The following KLHL7 variants were observed in gnomAD, a reference collection of about 807,000 sequenced individuals.
KLHL7 encodes the protein kelch-like protein 7.
A neutral mutation model predicts 67.4 loss-of-function variants in KLHL7; 44 were observed. The ratio of observed to expected loss-of-function variants is 0.65; its 90% CI spans 0.51 to 0.84. The LOEUF (loss-of-function observed/expected upper bound fraction) is 0.84. Among genes scored for constraint, KLHL7 ranks in the 40% least tolerant of loss-of-function variants. The probability of loss-of-function intolerance (pLI) is 0.00; values close to 1 mark genes in which losing one functional copy is unlikely to be tolerated. For synonymous variants in KLHL7, 252 were observed against 243.3 expected (o/e 1.04, Z -0.33); for missense variants, 362 against 718.1 (o/e 0.50, Z 5.67).
In KLHL7 at chr7:23,167,893, C is replaced by A; in HGVS notation, c.1235C>A (p.Thr412Lys). The A allele has an allele frequency of 6.2e-7, 1 of 1,614,206 alleles. No individual in the cohort carries two copies. The highest frequency in any genetic ancestry group is 8.5e-7 in the Non-Finnish European group (1 of 1,180,032). ...CYDTRTESWH[T>K]KPSMLTQRCS... ...GATACGAGAACTGAAAGCTGGCACA[C>A]AAAGCCCAGCATGCTGACCCAGCGC... is the stretch of plus-strand genomic sequence containing the variant. The change falls in exon 9 of 11, where the codon ACA becomes AAA. Residue 412 changes from threonine to lysine, a missense_variant. Thr to Lys is a moderately conservative substitution (Grantham distance 78). Transcript: ENST00000339077.
At chr7:23,119,361 C>T (rs1366037804) in intron 1 of KLHL7, among the ~76,000 whole-genome samples, 2 of 152,096 alleles carry the variant, frequency 1.3e-5, no homozygotes, top group Non-Finnish European at 2.9e-5. Flanking sequence ...TGCGCCACCA[C>T]GTCCAGCTAA....
At chr7:23,139,839 GACC>G (rs1784115028) in intron 4 of KLHL7, among the ~76,000 whole-genome samples, 1 of 151,710 alleles carries the variant, frequency 6.6e-6, no homozygotes, top group Non-Finnish European at 1.5e-5. Flanking sequence ...AGGCTTTATG[GACC>G]ACATGTGGTC....
intron 1 of KLHL7, among the ~76,000 whole-genome samples, chr7:23,112,482 AG>A (rs1782915349): frequency 6.6e-6 from 1 of 152,214 alleles, no homozygotes; most frequent in Non-Finnish European, 1.5e-5. Flanking sequence ...TCCAGAATAA[AG>A]GATAGAAAAT....
At chr7:23,132,249 G>T (rs540020481) in intron 4 of KLHL7, among the ~76,000 whole-genome samples, 102 of 152,270 alleles carry the variant, frequency 6.7e-4, no homozygotes, top group African/African-American at 2.3e-3. Context: ...CATAGTGGTT[G>T]TACTAATTTA....
In KLHL7 at chr7:23,153,410, A is replaced by G. The variant is rs574869827; in HGVS notation, c.936+1201A>G. ...ACTGGATAAGCACTGTCATTAGTCTATTTGGGTATTTTGTGCCTTTGGAAC... is the reference window on the plus strand; with the variant it reads ...ACTGGATAAGCACTGTCATTAGTCTGTTTGGGTATTTTGTGCCTTTGGAAC... On this transcript the variant is annotated intron_variant, in intron 7 of 10. Coordinates refer to ENST00000339077, the MANE Select transcript of KLHL7 (RefSeq NM_001031710.3). Among the ~76,000 whole-genome samples, 5 of 152,224 alleles carry G rather than the reference A, an allele frequency of 3.3e-5. No individual in the cohort carries two copies. In the East Asian group the frequency reaches 9.6e-4, roughly 29 times the overall value.
chr7:23,130,462 A>G (rs1363108349), intron 4 of KLHL7, among the ~76,000 whole-genome samples: 5 of 152,296 alleles, frequency 3.3e-5, no homozygotes, highest in African/African-American at 1.2e-4. Context: ...ACATACCTTA[A>G]GTTTACTCAG....
chr7:23,163,825 A>T (rs1784921677), intron 7 of KLHL7, among the ~76,000 whole-genome samples: 1 of 152,164 alleles, frequency 6.6e-6, no homozygotes, highest in Non-Finnish European at 1.5e-5. Context: ...CGCATTTCAC[A>T]TCTCAGCACC....
At position 23,117,802 on chromosome 7, in the gene KLHL7, A is replaced by G. The variant is rs1440675899; in HGVS notation, c.121-5975A>G. 13 of 1,568,886 alleles carry G rather than the reference A, an allele frequency of 8.3e-6. No individual in the cohort carries two copies. The Admixed American group carries it at 1.3e-4, about 15-fold the overall frequency. ...TCCAAGAAAATTATTTACCCCATCT[A>G]ATAAGGGCCTCATTTCCCTTTATGT... On this transcript the variant is annotated intron_variant, in intron 1 of 10. Transcript: ENST00000339077.
intron 7 of KLHL7, among the ~76,000 whole-genome samples, chr7:23,156,927 G>GAA (rs1270628392): frequency 4.6e-5 from 7 of 151,962 alleles, no homozygotes; most frequent in Middle Eastern, 3.4e-3. Flanking sequence ...CTAAATAAAA[G>GAA]AAGAGAAAAA....
At chr7:23,157,226 T>G (rs888534420) in intron 7 of KLHL7, among the ~76,000 whole-genome samples, 8 of 152,362 alleles carry the variant, frequency 5.3e-5, no homozygotes, top group African/African-American at 1.9e-4. Context: ...CAAAGAGCTC[T>G]AGAAGTACTA....
intron 9 of KLHL7, among the ~76,000 whole-genome samples, chr7:23,170,614 T>C (rs1455486672): frequency 6.6e-6 from 1 of 152,160 alleles, no homozygotes; most frequent in Non-Finnish European, 1.5e-5. Flanking sequence ...AGCAGCAACA[T>C]GGGAGGCCTG....
chr7:23,122,866 A>G (rs578258609), intron 1 of KLHL7, among the ~76,000 whole-genome samples: 1 of 152,346 alleles, frequency 6.6e-6, no homozygotes, highest in African/African-American at 2.4e-5. Flanking sequence ...TACTCTGAAT[A>G]TATTATTTGC....
rs972443670 is a variant in KLHL7 at position 23,176,376 on chromosome 7, C to T, written c.*2078C>T. ...TCGCATGGGCTTTTTCCCTGTGTGT[C>T]TCTGTATCTTCACATGGTGTTCTTA... On this transcript the variant is annotated 3_prime_UTR_variant, in exon 11 of 11. Coordinates refer to ENST00000339077, the MANE Select transcript of KLHL7 (RefSeq NM_001031710.3). 6.6e-6 allele frequency: 1 copy of T among 152,208 alleles called. No homozygotes were observed. The highest frequency in any genetic ancestry group is 2.4e-5 in the African/African-American group (1 of 41,432). 9.4% of individuals were successfully genotyped at this position (152,208 alleles called of 1,614,324 possible).
intron 6 of KLHL7, among the ~76,000 whole-genome samples, chr7:23,151,157 G>GTTTTT (rs1378700987): frequency 9.2e-4 from 46 of 49,834 alleles, no homozygotes; most frequent in East Asian, 1.9e-3. Context: ...GGCCTGTTTT[G>GTTTTT]TTTTTTTTTT....
In KLHL7 at chr7:23,125,037, C is replaced by T. The variant is rs139991330; in HGVS notation, c.318-11C>T. 2.5e-6 allele frequency: 4 copies of T among 1,609,084 alleles called. No homozygotes were observed. The highest frequency in any genetic ancestry group is 3.4e-6 in the Non-Finnish European group (4 of 1,175,650). On this transcript the variant is annotated splice_polypyrimidine_tract_variant and intron_variant, in intron 3 of 10. Transcript: ENST00000339077. ...CATGGGTAACTAATATTCCCTCTAA[C>T]TTATTTGCAGAATTTCCGTGAATAG...
intron 4 of KLHL7, among the ~76,000 whole-genome samples, chr7:23,134,650 A>G (rs558771677): frequency 6.6e-6 from 1 of 152,182 alleles, no homozygotes; most frequent in South Asian, 2.1e-4. Context: ...TGATATGTTC[A>G]CATTTGTATT....
At position 23,117,714 on chromosome 7, in the gene KLHL7, C is replaced by CTTT. The variant is rs370762489; in HGVS notation, c.121-6060_121-6058dup. The CTTT allele has an allele frequency of 9.5e-6, 9 of 944,816 alleles. No individual in the cohort carries two copies. In the African/African-American group the frequency reaches 1.5e-4, roughly 16 times the overall value. 58.5% of individuals were successfully genotyped at this position (944,816 alleles called of 1,614,324 possible). ...TGACAAATGTGATTTCTAGAGAAGT[C>CTTT]TTTTTAATGTTTCTTAGCCTTTGCA... is the stretch of plus-strand genomic sequence containing the variant. On this transcript the variant is annotated intron_variant, in intron 1 of 10. Coordinates refer to ENST00000339077, the MANE Select transcript of KLHL7 (RefSeq NM_001031710.3).
rs982097096 is a variant in KLHL7 at position 23,174,864 on chromosome 7, C to G, written c.*566C>G. 5 of 454,402 alleles carry G rather than the reference C, an allele frequency of 1.1e-5. No homozygotes were observed. The highest frequency in any genetic ancestry group is 1.0e-4 in the African/African-American group (5 of 49,998). 28.1% of individuals were successfully genotyped at this position (454,402 alleles called of 1,614,324 possible). ...ATATACACACTTTCTCACAAAACTT[C>G]CTAAACAGATTTGGGGGTTTAATAT... On this transcript the variant is annotated 3_prime_UTR_variant, in exon 11 of 11. Transcript: ENST00000339077.
intron 6 of KLHL7, among the ~76,000 whole-genome samples, chr7:23,149,142 C>T (rs1784453570): frequency 6.6e-6 from 1 of 152,278 alleles, no homozygotes; most frequent in Admixed American, 6.5e-5. Context: ...AAGTGCACAG[C>T]CAAAGCCACC....
Sources: allele counts gnomAD v4.1 joint callset (sites outside exome capture counted in the v4.1 genomes callset), GRCh38; gene constraint gnomAD v4.1.1; transcripts MANE v1.5; gene names NCBI Gene and HGNC (gene_info 2026-07-23, HGNC 2026-07-21).